The following FAM227B variants were observed in gnomAD, a reference collection of about 807,000 sequenced individuals.
FAM227B encodes protein FAM227B.
Under a neutral mutation model 73.8 loss-of-function variants are expected in FAM227B, and 88 were observed. That is an observed-to-expected ratio of 1.19 (90% confidence interval 1.00 to 1.42). The LOEUF is 1.42. Among genes scored for constraint, FAM227B ranks in the 40% most tolerant of loss-of-function variants. The pLI is 0.00. For missense variants in FAM227B, 632 were observed against 590.9 expected, an observed-to-expected ratio of 1.07 and a Z score of -0.72; for synonymous variants, 210 against 190.5, an observed-to-expected ratio of 1.10 and a Z score of -0.84.
At position 49,396,173 on chromosome 15, in the gene FAM227B, G is replaced by A. The variant is rs2047593790; in HGVS notation, c.1013-24774C>T. 7.7e-5 allele frequency: 27 copies of A among 352,176 alleles called. 1 individual carries two copies. The highest frequency in any genetic ancestry group is 5.4e-4 in the South Asian group (26 of 47,978). 21.8% of individuals were successfully genotyped at this position (352,176 alleles called of 1,614,324 possible). A position where few individuals can be genotyped will look rare whatever the true frequency, so the allele number is the denominator to read the frequency against. Reference sequence around the variant, plus strand: ...GCGAGCCGAAGCAGGGCGAGGCATTGCCTCACTTGGGAAGCGCAAGGGGTC... The same window carrying A: ...GCGAGCCGAAGCAGGGCGAGGCATTACCTCACTTGGGAAGCGCAAGGGGTC... On this transcript the variant is annotated intron_variant, in intron 11 of 15. Coordinates refer to ENST00000299338, the MANE Select transcript of FAM227B (RefSeq NM_152647.3).
In FAM227B at chr15:49,568,245, C is replaced by G; in HGVS notation, c.747G>C (p.Gln249His). Residue 249 changes from glutamine to histidine, a missense_variant and splice_region_variant, in exon 9 of 16, where the codon CAG (glutamine) becomes CAC (histidine). Transcript: ENST00000299338. Reference sequence around the variant, plus strand: ...CATAACTGTTAATTTCAATGCTTACCTGAAAAAATGCATCCTTTCGACTTA... The same window carrying G: ...CATAACTGTTAATTTCAATGCTTACGTGAAAAAATGCATCCTTTCGACTTA... ...IPLSRKDAFFQIYPDCLAQAI... is the reference protein window; with the variant it reads ...IPLSRKDAFFHIYPDCLAQAI... 3 of 1,599,896 alleles carry G rather than the reference C, an allele frequency of 1.9e-6. No individual in the cohort carries two copies. Among genetic ancestry groups the G allele is most frequent in the Non-Finnish European group, 2.6e-6 (3 of 1,173,176 alleles).
At chr15:49,534,122 C>G (rs2060827695) in intron 10 of FAM227B, among the ~76,000 whole-genome samples, 1 of 151,808 alleles carries the variant, frequency 6.6e-6, no homozygotes, top group Non-Finnish European at 1.5e-5. Context: ...ATAACACACT[C>G]ACAGGAAGTA....
intron 11 of FAM227B, among the ~76,000 whole-genome samples, chr15:49,393,758 A>T (rs1424003041): frequency 1.3e-5 from 2 of 152,164 alleles, no homozygotes; most frequent in African/African-American, 4.8e-5. Flanking sequence ...AAACTTAATC[A>T]AATCAATCAC....
At chr15:49,577,270 C>G (rs548422526) in intron 6 of FAM227B, 1 of 354,056 alleles carries the variant, frequency 2.8e-6, no homozygotes, top group Non-Finnish European at 5.5e-6. Flanking sequence ...GCACTCCAGC[C>G]TGGGCCACAG....
chr15:49,611,841 T>C (rs2077944097), intron 2 of FAM227B, among the ~76,000 whole-genome samples: 1 of 152,184 alleles, frequency 6.6e-6, no homozygotes, highest in Non-Finnish European at 1.5e-5. Flanking sequence ...TTCTTCCTTC[T>C]GCCCAGAAGT....
chr15:49,603,815 T>TA (rs1399105995), intron 3 of FAM227B, among the ~76,000 whole-genome samples: 2 of 152,224 alleles, frequency 1.3e-5, no homozygotes, highest in Admixed American at 1.3e-4. Flanking sequence ...TTTATTATGT[T>TA]AAAGTATATT....
At chr15:49,469,575 A>G (rs1022562698) in intron 11 of FAM227B, among the ~76,000 whole-genome samples, 2 of 152,132 alleles carry the variant, frequency 1.3e-5, no homozygotes, top group African/African-American at 4.8e-5. Context: ...GAATTAAATT[A>G]TTAGGTGTTG....
chr15:49,328,711 C>A, intron 15 of FAM227B, 36 bp from the exon 16 acceptor site: 1 of 1,544,600 alleles, frequency 6.5e-7, no homozygotes, highest in Non-Finnish European at 8.7e-7. Flanking sequence ...TTTCACAGAT[C>A]TTCTTGGACA....
Position 49,440,342 on chromosome 15 carries a change from G to T in FAM227B, c.1012+67869C>A, listed in dbSNP as rs1326793966. ...GTTGATATATTTCTTATAAGTAAAA[G>T]AGTCATCATAGAGGGGTAGAATATT... On this transcript the variant is annotated intron_variant, in intron 11 of 15. Transcript: ENST00000299338. Among the ~76,000 whole-genome samples, 3 of 151,636 alleles carry T rather than the reference G, an allele frequency of 2.0e-5. No individual in the cohort carries two copies. In the East Asian group the frequency reaches 5.8e-4, roughly 30 times the overall value.
intron 13 of FAM227B, among the ~76,000 whole-genome samples, chr15:49,348,537 T>C (rs2041844581): frequency 6.6e-6 from 1 of 152,170 alleles, no homozygotes. Context: ...GGTTTCTACT[T>C]TCTGAAATTT....
At chr15:49,474,658 C>T (rs1321826280) in intron 11 of FAM227B, among the ~76,000 whole-genome samples, 2 of 151,958 alleles carry the variant, frequency 1.3e-5, no homozygotes, top group South Asian at 2.1e-4. Context: ...GGCTGGGGAC[C>T]GGTACTGGTC....
intron 10 of FAM227B, among the ~76,000 whole-genome samples, chr15:49,508,618 T>C (rs1324944970): frequency 6.6e-6 from 1 of 152,026 alleles, no homozygotes; most frequent in Admixed American, 6.6e-5. Context: ...AAATATGAAC[T>C]AATATTATTA....
At chr15:49,395,122 T>A (rs1162821127) in intron 11 of FAM227B, among the ~76,000 whole-genome samples, 1 of 152,170 alleles carries the variant, frequency 6.6e-6, no homozygotes, top group East Asian at 1.9e-4. Flanking sequence ...TATTAATACT[T>A]ACCAATGTCT....
chr15:49,381,880 G>A (rs2046558971), intron 11 of FAM227B, among the ~76,000 whole-genome samples: 1 of 152,148 alleles, frequency 6.6e-6, no homozygotes, highest in African/African-American at 2.4e-5. Flanking sequence ...GTCAGCAGTT[G>A]ACCAGTTAGA....
At chr15:49,336,906 G>C (rs1354695684) in intron 13 of FAM227B, among the ~76,000 whole-genome samples, 1 of 152,106 alleles carries the variant, frequency 6.6e-6, no homozygotes, top group Non-Finnish European at 1.5e-5. Context: ...ACACGTTTAT[G>C]TCCATGAGTA....
At chr15:49,376,872 T>G (rs1270864670) in intron 11 of FAM227B, among the ~76,000 whole-genome samples, 1 of 152,048 alleles carries the variant, frequency 6.6e-6, no homozygotes, top group Non-Finnish European at 1.5e-5. Context: ...TTCATGGTAT[T>G]GTAAATGGGG....
chr15:49,465,283 C>T (rs1343773834), intron 11 of FAM227B, among the ~76,000 whole-genome samples: 1 of 151,020 alleles, frequency 6.6e-6, no homozygotes, highest in Non-Finnish European at 1.5e-5. Context: ...GCACCTGCCA[C>T]CATGTCTGGC....
intron 13 of FAM227B, among the ~76,000 whole-genome samples, chr15:49,360,748 A>T (rs2044080614): frequency 6.6e-6 from 1 of 152,214 alleles, no homozygotes; most frequent in African/African-American, 2.4e-5. Context: ...AAGATCATCC[A>T]AAAATTATAT....
chr15:49,575,101 A>C lies in FAM227B; in HGVS notation c.555T>G (p.Val185=). ...ILKAHNFDER[V]FKIWKTHFLS... ...GAAAATGAGTCTTCCAGATTTTAAA[A>C]ACTCTTTCCTATGGAAAAAAACAAG... is the stretch of plus-strand genomic sequence containing the variant. The change falls in exon 8 of 16, where the codon GTT becomes GTG. Residue 185 remains valine, a synonymous_variant. Coordinates refer to ENST00000299338, the MANE Select transcript of FAM227B (RefSeq NM_152647.3). 6.3e-7 allele frequency: 1 copy of C among 1,581,018 alleles called. No homozygotes were observed. The highest frequency in any genetic ancestry group is 8.6e-7 in the Non-Finnish European group (1 of 1,160,616).
Sources: allele counts gnomAD v4.1 joint callset (sites outside exome capture counted in the v4.1 genomes callset), GRCh38; gene constraint gnomAD v4.1.1; transcripts MANE v1.5; gene names NCBI Gene and HGNC (gene_info 2026-07-23, HGNC 2026-07-21).